LRMDA: variants seen among roughly 807,000 people sequenced by gnomAD.
The protein encoded by LRMDA is leucine-rich melanocyte differentiation-associated protein.
Under a neutral mutation model 29.8 loss-of-function variants are expected in LRMDA, and 18 were observed. The observed-to-expected ratio is 0.60, with a 90% CI of 0.42 to 0.90. The LOEUF is 0.90. LRMDA is among the 40% of genes least tolerant of loss of function. LRMDA has a pLI of 0.00. For synonymous variants in LRMDA, 125 were observed against 109.4 expected, an observed-to-expected ratio of 1.14 and a Z score of -0.89; for missense variants, 273 against 273.9, an observed-to-expected ratio of 1.00 and a Z score of 0.02.
intron 2 of LRMDA, among the ~76,000 whole-genome samples, chr10:75,929,912 G>T (rs993197720): frequency 3.9e-5 from 6 of 152,166 alleles, no homozygotes; most frequent in Non-Finnish European, 8.8e-5. Context: ...AAATGAGGCT[G>T]ATCAGTCACA....
intron 2 of LRMDA, among the ~76,000 whole-genome samples, chr10:75,606,573 G>T (rs1219579726): frequency 2.0e-5 from 3 of 152,248 alleles, no homozygotes; most frequent in Admixed American, 6.5e-5. Flanking sequence ...AATGTTAAAG[G>T]ACTGGGGACA....
At chr10:76,041,294 G>A (rs1469537323) in intron 3 of LRMDA, among the ~76,000 whole-genome samples, 1 of 152,178 alleles carries the variant, frequency 6.6e-6, no homozygotes, top group Non-Finnish European at 1.5e-5. Flanking sequence ...GAACCCTCAT[G>A]TTCCAGTGTT....
chr10:75,716,365 T>C (rs1160902528), intron 2 of LRMDA, among the ~76,000 whole-genome samples: 3 of 152,234 alleles, frequency 2.0e-5, no homozygotes, highest in African/African-American at 7.2e-5. Flanking sequence ...GGACTTCTTA[T>C]GTTGCTATAT....
intron 2 of LRMDA, among the ~76,000 whole-genome samples, chr10:75,891,319 T>C (rs1845487012): frequency 6.6e-6 from 1 of 152,174 alleles, no homozygotes; most frequent in Admixed American, 6.5e-5. Context: ...ACCTGCAGCA[T>C]TGGCATTTTC....
At chr10:75,870,905 C>T (rs1053694485) in intron 2 of LRMDA, among the ~76,000 whole-genome samples, 5 of 151,692 alleles carry the variant, frequency 3.3e-5, no homozygotes, top group African/African-American at 1.2e-4. Flanking sequence ...CTCGTGTTCA[C>T]TTCTCTTTGG....
chr10:75,754,798 T>C (rs1402453614), intron 2 of LRMDA, among the ~76,000 whole-genome samples: 1 of 152,170 alleles, frequency 6.6e-6, no homozygotes. Flanking sequence ...CCCCTCTTTC[T>C]CTCTCGGTCA....
intron 2 of LRMDA, among the ~76,000 whole-genome samples, chr10:75,788,301 A>G (rs1193254120): frequency 6.6e-6 from 1 of 152,226 alleles, no homozygotes; most frequent in Non-Finnish European, 1.5e-5. Context: ...CCTGAGGTCA[A>G]CAGAGACAAG....
intron 2 of LRMDA, among the ~76,000 whole-genome samples, chr10:75,923,050 T>C (rs1205174487): frequency 5.3e-5 from 8 of 152,162 alleles, no homozygotes; most frequent in African/African-American, 1.9e-4. Flanking sequence ...TTTCCTAAGG[T>C]CACATAATTC....
intron 2 of LRMDA, among the ~76,000 whole-genome samples, chr10:75,767,787 A>G (rs1843188583): frequency 6.6e-6 from 1 of 152,232 alleles, no homozygotes. Context: ...CTAACCTGGC[A>G]ATGTATTCGC....
chr10:76,052,345 A>G (rs2132047104), intron 4 of LRMDA, among the ~76,000 whole-genome samples: 1 of 152,310 alleles, frequency 6.6e-6, no homozygotes, highest in South Asian at 2.1e-4. Flanking sequence ...AGAGAAAAAA[A>G]CATGTCAGCC....
In LRMDA at chr10:75,498,279, T is replaced by C. The variant is rs115122473; in HGVS notation, c.131+59785T>C. On this transcript the variant is annotated intron_variant, in intron 2 of 6. Transcript: ENST00000611255. ...GCTATAAAACTTTCTGCAGCTTTTT[T>C]TTCCCCCTTTTAAGTTCTGTATGGC... is the stretch of plus-strand genomic sequence containing the variant. Among the ~76,000 whole-genome samples the C allele has an allele frequency of 8.7e-3, 1,321 of 152,340 alleles. 16 individuals are homozygous for C. The highest frequency in any genetic ancestry group is 0.025 in the African/African-American group (1,041 of 41,574).
intron 6 of LRMDA, among the ~76,000 whole-genome samples, chr10:76,443,005 AATCTT>A (rs1311842672): frequency 6.6e-6 from 1 of 152,178 alleles, no homozygotes; most frequent in East Asian, 1.9e-4. Flanking sequence ...ATAGTGGACT[AATCTT>A]ATTTAACTGA....
intron 4 of LRMDA, among the ~76,000 whole-genome samples, chr10:76,056,816 G>C (rs1038174993): frequency 1.3e-5 from 2 of 152,170 alleles, no homozygotes; most frequent in African/African-American, 4.8e-5. Flanking sequence ...TGGGTCTGCA[G>C]CTGCAGCTGG....
intron 5 of LRMDA, among the ~76,000 whole-genome samples, chr10:76,169,657 G>T (rs557967455): frequency 2.6e-5 from 4 of 152,274 alleles, no homozygotes; most frequent in Non-Finnish European, 1.5e-5. Context: ...GAGGCCTAAT[G>T]ACAGTCAGAA....
intron 2 of LRMDA, among the ~76,000 whole-genome samples, chr10:75,968,375 C>G (rs1846904469): frequency 6.6e-6 from 1 of 152,114 alleles, no homozygotes; most frequent in Non-Finnish European, 1.5e-5. Flanking sequence ...GAGACCAGCC[C>G]ATCTTTCACC....
chr10:75,710,364 C>T (rs1486681681), intron 2 of LRMDA, among the ~76,000 whole-genome samples: 1 of 152,168 alleles, frequency 6.6e-6, no homozygotes, highest in African/African-American at 2.4e-5. Context: ...TTTCAGCCAT[C>T]ATTACTAACA....
chr10:75,976,763 A>G lies in LRMDA; in HGVS notation c.132-59245A>G, dbSNP rs73281442. Among the ~76,000 whole-genome samples, 277 of 152,358 alleles carry G rather than the reference A, an allele frequency of 1.8e-3. 1 individual carries two copies. Among genetic ancestry groups the G allele is most frequent in the African/African-American group, 6.2e-3 (258 of 41,586 alleles). On this transcript the variant is annotated intron_variant, in intron 2 of 6. Coordinates refer to ENST00000611255, the MANE Select transcript of LRMDA (RefSeq NM_001305581.2). Reference sequence around the variant, plus strand: ...GAGGAAACTGAGGTATGGAGGGTTTATGAATGCAGTAGCTCAAGGGCATAC... The same window carrying G: ...GAGGAAACTGAGGTATGGAGGGTTTGTGAATGCAGTAGCTCAAGGGCATAC...
intron 2 of LRMDA, among the ~76,000 whole-genome samples, chr10:76,007,005 TGTGTGTGTGTGTGTGTGTGTGTGTGTGC>T (rs1035950131): frequency 1.4e-4 from 13 of 95,958 alleles, no homozygotes; most frequent in Non-Finnish European, 2.5e-4. Flanking sequence ...TGTGTGTGTG[TGTGTGTGTGTGTGTGTGTGTGTGTGTGC>T]GCGTGTGTGT....
At chr10:75,466,292 G>GA (rs1844649643) in intron 2 of LRMDA, among the ~76,000 whole-genome samples, 1 of 152,154 alleles carries the variant, frequency 6.6e-6, no homozygotes, top group South Asian at 2.1e-4. Flanking sequence ...AGGATGTGGA[G>GA]GGCTGTTGCT....
Sources: allele counts gnomAD v4.1 joint callset (sites outside exome capture counted in the v4.1 genomes callset), GRCh38; gene constraint gnomAD v4.1.1; transcripts MANE v1.5; gene names NCBI Gene and HGNC (gene_info 2026-07-23, HGNC 2026-07-21).